The following NCOA1 variants were observed in gnomAD, a reference collection of about 807,000 sequenced individuals.
The protein encoded by NCOA1 is Hin-2 protein.
NCOA1 carries 35 observed loss-of-function variants against 150.9 expected under a neutral mutation model. The ratio of observed to expected loss-of-function variants is 0.23; its 90% confidence interval spans 0.18 to 0.31. The LOEUF is 0.31. Among genes scored for constraint, NCOA1 ranks in the 10% least tolerant of loss-of-function variants. The probability of loss-of-function intolerance (pLI) is 1.00; values close to 1 mark genes in which losing one functional copy is unlikely to be tolerated. For missense variants in NCOA1, 1,491 were observed against 1,749.3 expected (o/e 0.85, Z 2.63); for synonymous variants, 590 against 630.0 (o/e 0.94, Z 0.95).
intron 20 of NCOA1, among the ~76,000 whole-genome samples, chr2:24,754,609 AT>A (rs1438552432): frequency 1.3e-5 from 2 of 152,118 alleles, no homozygotes; most frequent in Non-Finnish European, 2.9e-5. Flanking sequence ...CCTGACCACC[AT>A]TTCTGAAATA....
At chr2:24,766,045 C>T (rs938262092) in intron 22 of NCOA1, among the ~76,000 whole-genome samples, 3 of 151,970 alleles carry the variant, frequency 2.0e-5, no homozygotes, top group Non-Finnish European at 2.9e-5. Context: ...GAATGACAGG[C>T]GTGTGCCACC....
intron 1 of NCOA1, among the ~76,000 whole-genome samples, chr2:24,557,440 G>A (rs146555612): frequency 0.023 from 3,508 of 152,052 alleles, 73 homozygotes; most frequent in Non-Finnish European, 0.038. Flanking sequence ...GTAAGAAAAA[G>A]TAGTCTTTTA....
intron 2 of NCOA1, among the ~76,000 whole-genome samples, chr2:24,573,749 A>G (rs1030038070): frequency 3.3e-5 from 5 of 152,110 alleles, no homozygotes; most frequent in African/African-American, 1.2e-4. Context: ...GAAATTTAAA[A>G]TATACAACTT....
At chr2:24,753,097 A>G (rs908174951) in intron 20 of NCOA1, among the ~76,000 whole-genome samples, 3 of 152,238 alleles carry the variant, frequency 2.0e-5, no homozygotes, top group African/African-American at 7.2e-5. Context: ...AGAACTGTGT[A>G]GGTCTCAGTG....
At chr2:24,605,013 G>A (rs1361743490) in intron 3 of NCOA1, among the ~76,000 whole-genome samples, 2 of 152,144 alleles carry the variant, frequency 1.3e-5, no homozygotes, top group Non-Finnish European at 2.9e-5. Context: ...CAGGTAATAG[G>A]GAGATGGCTG....
intron 22 of NCOA1, among the ~76,000 whole-genome samples, chr2:24,765,912 T>A: frequency 6.7e-6 from 1 of 150,204 alleles, no homozygotes; most frequent in East Asian, 1.9e-4. Context: ...TTTTTTTTTT[T>A]TTTGAGACGG....
At chr2:24,595,952 A>G (rs1207115773) in intron 3 of NCOA1, among the ~76,000 whole-genome samples, 1 of 152,202 alleles carries the variant, frequency 6.6e-6, no homozygotes, top group Non-Finnish European at 1.5e-5. Context: ...TGCAGAGGAA[A>G]ATCTGTCTTT....
At chr2:24,555,383 C>T (rs1227222195) in intron 1 of NCOA1, among the ~76,000 whole-genome samples, 4 of 152,084 alleles carry the variant, frequency 2.6e-5, no homozygotes, top group East Asian at 1.9e-4. Flanking sequence ...GGCCAGAATA[C>T]GGTCCATGTT....
intron 20 of NCOA1, among the ~76,000 whole-genome samples, chr2:24,755,621 G>A (rs1038379397): frequency 6.6e-6 from 1 of 152,242 alleles, no homozygotes; most frequent in Non-Finnish European, 1.5e-5. Context: ...GACTTTAGGT[G>A]TCAGTGGACC....
At chr2:24,693,099 C>A (rs1053397535) in intron 9 of NCOA1, among the ~76,000 whole-genome samples, 153 bp from the exon 10 acceptor site, 1 of 152,162 alleles carries the variant, frequency 6.6e-6, no homozygotes, top group Non-Finnish European at 1.5e-5. Flanking sequence ...TGTGATCCAC[C>A]CACCTCGGCC....
At chr2:24,587,441 G>GC (rs1253367561) in intron 3 of NCOA1, among the ~76,000 whole-genome samples, 5 of 152,096 alleles carry the variant, frequency 3.3e-5, no homozygotes, top group African/African-American at 4.8e-5. Flanking sequence ...AGGGAGATAG[G>GC]CTGTAAAGGG....
chr2:24,755,232 G>T (rs1196194699), intron 20 of NCOA1, among the ~76,000 whole-genome samples: 1 of 152,232 alleles, frequency 6.6e-6, no homozygotes, highest in Non-Finnish European at 1.5e-5. Flanking sequence ...GAGTTCAGAG[G>T]TAGTGTAACA....
chr2:24,652,701 A>G (rs1451832599), intron 4 of NCOA1, among the ~76,000 whole-genome samples: 1 of 152,130 alleles, frequency 6.6e-6, no homozygotes, highest in Non-Finnish European at 1.5e-5. Context: ...TGTAGTTTCT[A>G]GTTCCTAAAA....
At chr2:24,550,421 A>C (rs1572408170) in intron 1 of NCOA1, among the ~76,000 whole-genome samples, 1 of 152,142 alleles carries the variant, frequency 6.6e-6, no homozygotes, top group Admixed American at 6.5e-5. Flanking sequence ...GCAGAAGGGG[A>C]GGAGGAGTGA....
At chr2:24,711,548 A>C (rs1292132687) in intron 14 of NCOA1, 1 of 152,650 alleles carries the variant, frequency 6.6e-6, no homozygotes. Flanking sequence ...GCCTATTAGC[A>C]GTTTTGAGAA....
chr2:24,542,250 CTT>C (rs989783836), intron 1 of NCOA1, among the ~76,000 whole-genome samples: 42 of 98,160 alleles, frequency 4.3e-4, no homozygotes, highest in African/African-American at 1.3e-3. Context: ...AAGACTTTAA[CTT>C]TTAAAAGAAC....
chr2:24,678,546 A>G (rs980289093), intron 7 of NCOA1, among the ~76,000 whole-genome samples: 6 of 152,174 alleles, frequency 3.9e-5, no homozygotes, highest in Non-Finnish European at 8.8e-5. Flanking sequence ...CCTTGCCAGC[A>G]TCTATTGTTT....
intron 14 of NCOA1, among the ~76,000 whole-genome samples, chr2:24,712,274 C>G (rs1436204845): frequency 6.6e-6 from 1 of 152,158 alleles, no homozygotes; most frequent in African/African-American, 2.4e-5. Context: ...ACTGGAATGT[C>G]AGTCACAATT....
Position 24,758,069 on chromosome 2 carries a change from G to A in NCOA1, c.3978G>A (p.Thr1326=), listed in dbSNP as rs200198567. The A allele has an allele frequency of 1.1e-5, 18 of 1,613,982 alleles. No homozygotes were observed. The highest frequency in any genetic ancestry group is 4.5e-5 in the East Asian group (2 of 44,886). Reference sequence around the variant, plus strand: ...CCGTTTCCATGGCAGGTGGAAATACGAATGTTCAGAACATGAACCCAATGA... The same window carrying A: ...CCGTTTCCATGGCAGGTGGAAATACAAATGTTCAGAACATGAACCCAATGA... ...SITVSMAGGN[T]NVQNMNPMMA... is the part of the protein sequence containing the mutation. The change falls in exon 21 of 23, where the codon ACG becomes ACA. Residue 1326 remains threonine (T), a synonymous_variant. Coordinates refer to ENST00000348332, the MANE Select transcript of NCOA1 (RefSeq NM_003743.5).
Sources: allele counts gnomAD v4.1 joint callset (sites outside exome capture counted in the v4.1 genomes callset), GRCh38; gene constraint gnomAD v4.1.1; transcripts MANE v1.5; gene names NCBI Gene and HGNC (gene_info 2026-07-23, HGNC 2026-07-21).